The following NDUFAF1 variants were observed in gnomAD, a reference collection of about 807,000 sequenced individuals.
NDUFAF1 encodes complex I intermediate-associated protein 30, mitochondrial.
NDUFAF1 carries 18 observed loss-of-function variants against 28.7 expected under a neutral mutation model. The observed-to-expected ratio is 0.63, with a 90% CI of 0.43 to 0.93. The LOEUF (loss-of-function observed/expected upper bound fraction) is 0.93, where lower values mean the gene tolerates loss of function less well. Ranked by LOEUF, NDUFAF1 falls within the 40% of genes least tolerant of loss-of-function variation. The pLI is 0.00. For missense variants in NDUFAF1, 404 were observed against 398.3 expected, an observed-to-expected ratio of 1.01 and a Z score of -0.12; for synonymous variants, 113 against 139.7, an observed-to-expected ratio of 0.81 and a Z score of 1.35.
intron 3 of NDUFAF1, among the ~76,000 whole-genome samples, chr15:41,393,909 A>G (rs1595404798): frequency 7.0e-6 from 1 of 142,042 alleles, no homozygotes; most frequent in African/African-American, 2.7e-5. Flanking sequence ...GGGTTTTGCC[A>G]TGTTAGCCAG....
Position 41,396,362 on chromosome 15 carries a change from G to A in NDUFAF1, c.573+125C>T. The A allele has an allele frequency of 6.8e-6, 6 of 886,998 alleles. No homozygotes were observed. The Admixed American group carries it at 7.2e-5, about 11-fold the overall frequency. 54.9% of individuals were successfully genotyped at this position (886,998 alleles called of 1,614,324 possible). The stretch of plus-strand genomic sequence containing the variant: ...TAGTTACTTATCCCCAGACACAGGT[G>A]AGGTGCCAAATATAACATGCCAGGT... On this transcript the variant is annotated intron_variant, in intron 2 of 4. Coordinates refer to ENST00000260361, the MANE Select transcript of NDUFAF1 (RefSeq NM_016013.4).
chr15:41,389,533 G>A (rs2140909585), intron 3 of NDUFAF1, among the ~76,000 whole-genome samples: 1 of 152,202 alleles, frequency 6.6e-6, no homozygotes, highest in South Asian at 2.1e-4. Flanking sequence ...CACTTTGGGA[G>A]GCCAACACAA....
At chr15:41,400,487 G>A (rs1365833949) in intron 1 of NDUFAF1, among the ~76,000 whole-genome samples, 1 of 151,012 alleles carries the variant, frequency 6.6e-6, no homozygotes, top group Admixed American at 6.6e-5. Context: ...GATTACAGGC[G>A]TGAGCCACTG....
At chr15:41,390,887 CTGGGCGTGGTGG>C (rs1401515675) in intron 3 of NDUFAF1, among the ~76,000 whole-genome samples, 1 of 151,656 alleles carries the variant, frequency 6.6e-6, no homozygotes, top group East Asian at 1.9e-4. Context: ...AAAAAATTAG[CTGGGCGTGGTGG>C]TGGGCACCTG....
At chr15:41,402,532 G>C, upstream of NDUFAF1, 1 of 317,654 alleles carries the variant, frequency 3.1e-6, no homozygotes, top group Non-Finnish European at 6.4e-6. Context: ...TGCCAAACAA[G>C]GCGTCAGAAC....
At position 41,388,457 on chromosome 15, in the gene NDUFAF1, C is replaced by A. The variant is rs781338396; in HGVS notation, c.825G>T (p.Pro275=). ...TACAGGAATATGTTACCTTATCAAG[C>A]GGAAGCTCATGCTGAACATCCCGGA... The part of the protein sequence containing the change: ...GRIRDVQHEL[P]LDKISSIGFT... The change falls in exon 4 of 5, where the codon CCG becomes CCT. Residue 275 remains proline, a synonymous_variant. Coordinates refer to ENST00000260361, the MANE Select transcript of NDUFAF1 (RefSeq NM_016013.4). The A allele has an allele frequency of 1.9e-6, 3 of 1,610,180 alleles. No individual in the cohort carries two copies. The highest frequency in any genetic ancestry group is 1.7e-5 in the Admixed American group (1 of 59,948).
At chr15:41,389,899 C>G (rs1425576446) in intron 3 of NDUFAF1, among the ~76,000 whole-genome samples, 1 of 151,934 alleles carries the variant, frequency 6.6e-6, no homozygotes, top group African/African-American at 2.4e-5. Context: ...TTTGTTCCGA[C>G]AGTAGAAAAC....
At position 41,395,878 on chromosome 15, in the gene NDUFAF1, AG is replaced by A. The variant is rs1285542881; in HGVS notation, c.573+608del. On this transcript the variant is annotated intron_variant, in intron 2 of 4. Coordinates refer to ENST00000260361, the MANE Select transcript of NDUFAF1 (RefSeq NM_016013.4). ...AGGGTGGGGTGGATCACCTGAGGTC[AG>A]GAGTTCAAGACCAGCCTGGCCAACA... Among the ~76,000 whole-genome samples the A allele has an allele frequency of 2.0e-5, 3 of 151,558 alleles. 1 individual carries two copies. Among genetic ancestry groups the A allele is most frequent in the Non-Finnish European group, 4.4e-5 (3 of 67,902 alleles).
At chr15:41,392,066 CTTT>C (rs1162627793) in intron 3 of NDUFAF1, among the ~76,000 whole-genome samples, 1 of 115,698 alleles carries the variant, frequency 8.6e-6, no homozygotes, top group Non-Finnish European at 1.8e-5. Context: ...GGACTTTATT[CTTT>C]TTTTTTTTTT....
intron 3 of NDUFAF1, among the ~76,000 whole-genome samples, chr15:41,390,025 G>T (rs1053999380): frequency 6.6e-6 from 1 of 151,968 alleles, no homozygotes; most frequent in East Asian, 1.9e-4. Context: ...ATGCAGTAGG[G>T]TGATCTCAGC....
chr15:41,399,749 G>A (rs2050436865), intron 1 of NDUFAF1, among the ~76,000 whole-genome samples: 2 of 149,532 alleles, frequency 1.3e-5, no homozygotes, highest in Non-Finnish European at 1.5e-5. Context: ...CCAGCTACTC[G>A]GGAGGCTGAG....
chr15:41,400,712 G>GTTTT (rs1566827639), intron 1 of NDUFAF1, among the ~76,000 whole-genome samples: 2 of 126,090 alleles, frequency 1.6e-5, no homozygotes, highest in South Asian at 2.5e-4. Context: ...TTTTTTTTTG[G>GTTTT]ATTTTTAATA....
chr15:41,391,803 G>C (rs1479958878), intron 3 of NDUFAF1, among the ~76,000 whole-genome samples: 2 of 152,066 alleles, frequency 1.3e-5, no homozygotes, highest in Non-Finnish European at 2.9e-5. Context: ...AGGCCTCTCT[G>C]AGGCAACTTT....
rs368734953 is a variant in NDUFAF1, at chr15:41,395,349, TTTTTCTTTTC to T, written c.574-315_574-306del. ...TTACCTGGTCGTATGGAGCAATGAC[TTTTTCTTTTC>T]TTTTCTTTTCTTTTCTTTTTTTTTT... is the stretch of plus-strand genomic sequence containing the variant. On this transcript the variant is annotated intron_variant, in intron 2 of 4. Coordinates refer to ENST00000260361, the MANE Select transcript of NDUFAF1 (RefSeq NM_016013.4). Among the ~76,000 whole-genome samples the T allele has an allele frequency of 7.6e-3, 1,156 of 151,762 alleles. 15 individuals are homozygous for T. The highest frequency in any genetic ancestry group is 0.025 in the African/African-American group (1,020 of 41,238).
In NDUFAF1 at chr15:41,402,432, C is replaced by A. The variant is rs1279352709; in HGVS notation, c.-370G>T. On this transcript the variant is annotated 5_prime_UTR_variant, in exon 1 of 5. Transcript: ENST00000260361. Reference sequence around the variant, plus strand: ...ACACCCGGGACACACCAACCGCCGGCCTGCCGCCGCTTACCTCCCCGAGCC... The same window carrying A: ...ACACCCGGGACACACCAACCGCCGGACTGCCGCCGCTTACCTCCCCGAGCC... 2.3e-6 allele frequency: 1 copy of A among 434,322 alleles called. No homozygotes were observed. 26.9% of individuals were successfully genotyped at this position (434,322 alleles called of 1,614,324 possible). A position where few individuals can be genotyped will look rare whatever the true frequency, so the allele number is the denominator to read the frequency against.
At chr15:41,397,272 A>T (rs1009263771) in intron 1 of NDUFAF1, 132 bp from the exon 2 acceptor site, 3 of 539,680 alleles carry the variant, frequency 5.6e-6, no homozygotes, top group South Asian at 2.3e-5. Flanking sequence ...ATTATTTGAG[A>T]CAAGGTCTTG....
rs370874510 is a variant in NDUFAF1 at position 41,395,033 on chromosome 15, C to T, written c.585G>A (p.Glu195=). The T allele has an allele frequency of 9.3e-6, 15 of 1,614,028 alleles. No homozygotes were observed. The highest frequency in any genetic ancestry group is 1.3e-5 in the Non-Finnish European group (15 of 1,179,954). The change falls in exon 3 of 5, where the codon GAG becomes GAA. Residue 195 remains glutamate (E), a synonymous_variant. Transcript: ENST00000260361. ...MISRIPRGAF[E]RKMSYDWSQF... ...GGGACCAATCGTAAGACATCTTCCT[C>T]TCAAAAGCACCCTAAGATATTGAAA... is the stretch of plus-strand genomic sequence containing the variant.
chr15:41,397,113 G>A lies in NDUFAF1; in HGVS notation c.-54C>T, dbSNP rs2050400465. 1 of 1,522,844 alleles carries A rather than the reference G, an allele frequency of 6.6e-7. No homozygotes were observed. Among genetic ancestry groups the A allele is most frequent in the Non-Finnish European group, 9.1e-7 (1 of 1,104,900 alleles). The allele number at this position is 1,522,844 out of a possible 1,614,324, so 94.3% of individuals were successfully genotyped here. ...TTCCTGGGCTAGCAAGGGCCACCAA[G>A]AAGCTTCAGCAAATAGCCCAATTCT... On this transcript the variant is annotated 5_prime_UTR_variant, in exon 2 of 5. Transcript: ENST00000260361.
In NDUFAF1 at chr15:41,394,846, T is replaced by A; in HGVS notation, c.759+13A>T. 6.2e-7 allele frequency: 1 copy of A among 1,613,608 alleles called. No homozygotes were observed. Among genetic ancestry groups the A allele is most frequent in the Non-Finnish European group, 8.5e-7 (1 of 1,179,680 alleles). Reference sequence around the variant, plus strand: ...ACCTCATTTTTATAAACAATGAAGATTTATGCTGTTACCTTGACCTCCTGC... The same window carrying A: ...ACCTCATTTTTATAAACAATGAAGAATTATGCTGTTACCTTGACCTCCTGC... On this transcript the variant is annotated intron_variant, in intron 3 of 4. Transcript: ENST00000260361.
Sources: gnomAD v4.1 joint callset for allele counts (sites outside exome capture counted in the v4.1 genomes callset) on GRCh38, gnomAD v4.1.1 for gene constraint, MANE v1.5 for transcripts, NCBI Gene and HGNC (gene_info 2026-07-23, HGNC 2026-07-21) for gene names.